UGT2B15: variants seen among roughly 807,000 people sequenced by gnomAD.
UGT2B15 encodes UDP-glucuronosyltransferase 2B15.
Under a neutral mutation model 45.9 loss-of-function variants are expected in UGT2B15, and 36 were observed. The ratio of observed to expected loss-of-function variants is 0.78; its 90% CI spans 0.60 to 1.04. The LOEUF (loss-of-function observed/expected upper bound fraction) is 1.04. UGT2B15 is among the 50% of genes least tolerant of loss of function. UGT2B15 has a pLI of 0.00. For missense variants in UGT2B15, 617 were observed against 622.4 expected, an observed-to-expected ratio of 0.99 and a Z score of 0.09; for synonymous variants, 219 against 216.4, an observed-to-expected ratio of 1.01 and a Z score of -0.11.
chr4:68,653,096 C>T (rs1417700192), intron 5 of UGT2B15, among the ~76,000 whole-genome samples: 1 of 152,020 alleles, frequency 6.6e-6, no homozygotes, highest in Non-Finnish European at 1.5e-5. Flanking sequence ...CTTTGAAAAA[C>T]AGTTTAGCAG....
chr4:68,647,262 C>A lies in UGT2B15; in HGVS notation c.1435G>T (p.Val479Phe). The A allele has an allele frequency of 1.9e-6, 3 of 1,613,984 alleles. No homozygotes were observed. Among genetic ancestry groups the A allele is most frequent in the South Asian group, 2.2e-5 (2 of 91,076 alleles). ...MRHKGAKHLR[V>F]AAHNLTWIQY... ...ATCCAGGTGAGGTTGTGAGCTGCGA[C>A]TCGAAGGTGCTTGGCTCCTTTGTGG... The change falls in exon 6 of 6, where the codon GTC (valine) becomes TTC (phenylalanine). Residue 479 changes from valine to phenylalanine, a missense_variant. Val to Phe is a conservative substitution (Grantham distance 50). Around this residue, in one of 3 missense-constraint regions of UGT2B15, gnomAD observed 265 missense variants for 245.1 expected, o/e 1.08. Transcript: ENST00000338206.
At chr4:68,649,846 G>GC (rs1553924023) in intron 5 of UGT2B15, among the ~76,000 whole-genome samples, 2 of 148,958 alleles carry the variant, frequency 1.3e-5, no homozygotes, top group Admixed American at 1.3e-4. Context: ...TTGCTTTTTT[G>GC]TTTTTTTTTG....
Position 68,670,271 on chromosome 4 carries a change from CA to C in UGT2B15, c.347del (p.Leu116CysfsTer18). On this transcript the variant is annotated frameshift_variant, in exon 1 of 6. Transcript: ENST00000338206. LOFTEE classifies it high-confidence loss of function. ...FWSYFSQLQE[L>X]CWEYYDYSNK... ...TACTGTAGTCATAATATTCCCAACA[CA>C]ATTCTTGTAATTGTGAAAAATATGA... The C allele has an allele frequency of 6.2e-7, 1 of 1,614,066 alleles. No individual in the cohort carries two copies. Among genetic ancestry groups the C allele is most frequent in the South Asian group, 1.1e-5 (1 of 91,064 alleles).
rs1459432663 is a variant in UGT2B15 at position 68,654,196 on chromosome 4, A to C, written c.1154T>G (p.Ile385Ser). ...HGGTNGIYEA[I>S]YHGIPMVGIP... ...GCCCACCATAGGGATCCCATGGTAG[A>C]TCGCCTCATAGATGCCATTGGTTCC... The change falls in exon 5 of 6, where the codon ATC becomes AGC. Residue 385 changes from isoleucine to serine, a missense_variant. Ile to Ser is a moderately radical substitution (Grantham distance 142). Around this residue, in one of 3 missense-constraint regions of UGT2B15, gnomAD observed 265 missense variants for 245.1 expected, o/e 1.08. Coordinates refer to ENST00000338206, the MANE Select transcript of UGT2B15 (RefSeq NM_001076.4). 1 of 1,613,638 alleles carries C rather than the reference A, an allele frequency of 6.2e-7. No homozygotes were observed.
chr4:68,666,832 T>C (rs1733139641), intron 2 of UGT2B15, among the ~76,000 whole-genome samples: 1 of 150,264 alleles, frequency 6.7e-6, no homozygotes, highest in South Asian at 2.1e-4. Context: ...CTGCAACCTC[T>C]GCCTCCGGGG....
chr4:68,660,259 C>A (rs550629400), intron 3 of UGT2B15, among the ~76,000 whole-genome samples: 2 of 150,454 alleles, frequency 1.3e-5, no homozygotes, highest in South Asian at 2.1e-4. Flanking sequence ...TGGCCTCATA[C>A]CTTCATCTAT....
At chr4:68,653,961 A>C in intron 5 of UGT2B15, 76 bp downstream of exon 5, 1 of 1,567,942 alleles carries the variant, frequency 6.4e-7, no homozygotes, top group Admixed American at 1.7e-5. Context: ...GTCTCTTAAA[A>C]ACGGGTTAAA....
Position 68,670,101 on chromosome 4 carries a change from A to C in UGT2B15, c.518T>G (p.Leu173Arg), listed in dbSNP as rs1733258857. The change falls in exon 1 of 6, where the codon CTT (leucine) becomes CGT (arginine). Residue 173 changes from leucine (L) to arginine (R), a missense_variant. Physicochemically the swap from Leu to Arg is moderately radical, Grantham distance 102 (BLOSUM62 -2). Coordinates refer to ENST00000338206, the MANE Select transcript of UGT2B15 (RefSeq NM_001076.4). ...ELFNIPFLYS[L>R]RFSVGYTFEK... ...AAATGTGTAGCCAACAGAGAATCGA[A>C]GACTGTACAGAAAGGGTATGTTAAA... The C allele has an allele frequency of 1.9e-6, 3 of 1,614,132 alleles. No homozygotes were observed. The highest frequency in any genetic ancestry group is 1.3e-5 in the African/African-American group (1 of 75,044).
intron 5 of UGT2B15, among the ~76,000 whole-genome samples, chr4:68,652,270 A>T (rs1560603918): frequency 6.6e-6 from 1 of 152,014 alleles, no homozygotes; most frequent in Non-Finnish European, 1.5e-5. Context: ...AGCTTAAGGA[A>T]TTTTGGAGCT....
chr4:68,650,318 T>TC (rs1373500755), intron 5 of UGT2B15, among the ~76,000 whole-genome samples: 1 of 151,704 alleles, frequency 6.6e-6, no homozygotes, highest in Non-Finnish European at 1.5e-5. Context: ...TCCCCTTCCA[T>TC]CCCCCGGTGT....
chr4:68,657,980 TG>T (rs1732859583), intron 3 of UGT2B15, among the ~76,000 whole-genome samples: 1 of 152,114 alleles, frequency 6.6e-6, no homozygotes, highest in South Asian at 2.1e-4. Context: ...CCAAATTTTT[TG>T]TCTCTGTACC....
Position 68,668,208 on chromosome 4 carries a change from C to T in UGT2B15, c.725-20G>A. 1.2e-6 allele frequency: 2 copies of T among 1,605,816 alleles called. No individual in the cohort carries two copies. The highest frequency in any genetic ancestry group is 2.7e-5 in the African/African-American group (2 of 74,642). On this transcript the variant is annotated intron_variant, in intron 1 of 5. Transcript: ENST00000338206. ...GTCTTCCTGATGGAAAAAAACAAAA[C>T]AAAACAAAAGGTAGCTAACACGAGA...
intron 3 of UGT2B15, among the ~76,000 whole-genome samples, chr4:68,661,706 A>C (rs1732972991): frequency 6.6e-6 from 1 of 152,122 alleles, no homozygotes; most frequent in Admixed American, 6.6e-5. Context: ...TTTGCTAACT[A>C]TCAAGTGCTA....
intron 3 of UGT2B15, among the ~76,000 whole-genome samples, chr4:68,659,743 G>A (rs1560607731): frequency 1.3e-5 from 2 of 151,694 alleles, no homozygotes; most frequent in Non-Finnish European, 2.9e-5. Context: ...AGGTGCTCTT[G>A]AAAAAAAGTT....
chr4:68,660,981 C>A (rs1215083898), intron 3 of UGT2B15, among the ~76,000 whole-genome samples: 1 of 151,718 alleles, frequency 6.6e-6, no homozygotes, highest in Non-Finnish European at 1.5e-5. Flanking sequence ...TGTTTTTCTC[C>A]CTTTCTCCCT....
Position 68,654,218 on chromosome 4 carries a change from T to C in UGT2B15, c.1132A>G (p.Thr378Ala), listed in dbSNP as rs1325189707. 5.0e-5 allele frequency: 80 copies of C among 1,613,494 alleles called. 1 individual carries two copies. The highest frequency in any genetic ancestry group is 6.5e-5 in the Non-Finnish European group (77 of 1,179,688). ...TAGATCGCCTCATAGATGCCATTGG[T>C]TCCACCATGAGTTATAAAAGCTTTG... Reference protein sequence around the residue: ...KTKAFITHGGTNGIYEAIYHG... With the variant: ...KTKAFITHGGANGIYEAIYHG... Residue 378 changes from threonine to alanine, a missense_variant, in exon 5 of 6, where the codon ACC becomes GCC. Thr to Ala is a moderately conservative substitution (Grantham distance 58). Transcript: ENST00000338206.
chr4:68,650,700 C>A (rs1732628315), intron 5 of UGT2B15, among the ~76,000 whole-genome samples: 1 of 151,966 alleles, frequency 6.6e-6, no homozygotes, highest in African/African-American at 2.4e-5. Context: ...GTTTCTGGTT[C>A]TAGGTCTTTG....
At position 68,670,336 on chromosome 4, in the gene UGT2B15, C is replaced by G; in HGVS notation, c.283G>C (p.Asp95His). The G allele has an allele frequency of 6.2e-7, 1 of 1,613,570 alleles. No individual in the cohort carries two copies. The highest frequency in any genetic ancestry group is 8.5e-7 in the Non-Finnish European group (1 of 1,179,872). Residue 95 changes from aspartate (D) to histidine (H), a missense_variant, in exon 1 of 6, where the codon GAT becomes CAT. Coordinates refer to ENST00000338206, the MANE Select transcript of UGT2B15 (RefSeq NM_001076.4). The part of the protein sequence containing the change: ...YLEDSLLKIL[D>H]RWIYGVSKNT... ...TTTGAAACACCATATATCCATCTATCGAGAATTTTCAGAAGAGAATCTTCC... is the reference window on the plus strand; with the variant it reads ...TTTGAAACACCATATATCCATCTATGGAGAATTTTCAGAAGAGAATCTTCC...
intron 5 of UGT2B15, among the ~76,000 whole-genome samples, chr4:68,651,709 CTATGTTCTGT>C (rs1449567785): frequency 6.6e-6 from 1 of 151,964 alleles, no homozygotes; most frequent in Non-Finnish European, 1.5e-5. Flanking sequence ...TTTCTGAGGC[CTATGTTCTGT>C]TCCATTGGTC....
Sources: gnomAD v4.1 joint callset for allele counts (sites outside exome capture counted in the v4.1 genomes callset) on GRCh38, gnomAD v4.1.1 for gene constraint, gnomAD v4.1.1 regional missense constraint, MANE v1.5 for transcripts, NCBI Gene and HGNC (gene_info 2026-07-23, HGNC 2026-07-21) for gene names.